IFT43: variants seen among roughly 807,000 people sequenced by gnomAD.
IFT43 encodes intraflagellar transport protein 43 homolog.
A neutral mutation model predicts 32.3 loss-of-function variants in IFT43; 33 were observed. That is an observed-to-expected ratio of 1.02 (90% confidence interval 0.77 to 1.37). IFT43 has a LOEUF of 1.37. Ranked by LOEUF, IFT43 falls within the 40% of genes most tolerant of loss-of-function variation. The pLI is 0.00. For missense variants in IFT43, 274 were observed against 265.9 expected (o/e 1.03, Z -0.21); for synonymous variants, 93 against 98.2 (o/e 0.95, Z 0.31).
intron 2 of IFT43, among the ~76,000 whole-genome samples, chr14:76,007,836 G>T (rs1456475802): frequency 6.6e-6 from 1 of 152,150 alleles, no homozygotes; most frequent in Non-Finnish European, 1.5e-5. Context: ...AGGAAGAAGG[G>T]AGAGCTGATG....
intron 3 of IFT43, among the ~76,000 whole-genome samples, chr14:76,037,345 G>A (rs2036619258): frequency 6.6e-6 from 1 of 152,194 alleles, no homozygotes; most frequent in East Asian, 1.9e-4. Flanking sequence ...GCAGGGCTGT[G>A]TGAGTCTCCA....
rs764790125 is a variant in IFT43, at chr14:76,083,555, C to A, written c.605C>A (p.Ala202Glu). ...CTGCAGACGGAGAAGGAGGACCCTG[C>A]GGGGCAGGCCAGGCACACCTGAGCC... is the stretch of plus-strand genomic sequence containing the variant. ...DPLQTEKEDP[A>E]GQARHT Residue 202 changes from alanine to glutamate, a missense_variant, in exon 9 of 9, where the codon GCG becomes GAG. Transcript: ENST00000314067. 1 of 1,613,900 alleles carries A rather than the reference C, an allele frequency of 6.2e-7. No individual in the cohort carries two copies. The highest frequency in any genetic ancestry group is 1.3e-5 in the African/African-American group (1 of 74,908).
intron 2 of IFT43, among the ~76,000 whole-genome samples, chr14:76,005,792 A>G (rs1308215001): frequency 1.3e-5 from 2 of 152,204 alleles, no homozygotes; most frequent in African/African-American, 4.8e-5. Context: ...TCTTTCAAGG[A>G]TAAAATCTCC....
At chr14:76,059,158 C>T in intron 4 of IFT43, 169 bp from the exon 5 acceptor site, 1 of 1,538,402 alleles carries the variant, frequency 6.5e-7, no homozygotes, top group South Asian at 1.2e-5. Context: ...TGTGCAACCA[C>T]ACACGGCACA....
Position 76,083,613 on chromosome 14 carries a change from A to C in IFT43, c.*36A>C. On this transcript the variant is annotated 3_prime_UTR_variant, in exon 9 of 9. Coordinates refer to ENST00000314067, the MANE Select transcript of IFT43 (RefSeq NM_001102564.3). ...CATGCTCTAGACATGAAGAAATGCA[A>C]TGAGCTTAAAGCTAAAGAAGCTTGT... 6.2e-7 allele frequency: 1 copy of C among 1,609,028 alleles called. No individual in the cohort carries two copies. The highest frequency in any genetic ancestry group is 1.1e-5 in the South Asian group (1 of 91,008).
At chr14:76,037,692 T>TTG (rs898590410) in intron 3 of IFT43, among the ~76,000 whole-genome samples, 21 of 2,592 alleles carry the variant, frequency 8.1e-3, no homozygotes, top group African/African-American at 0.02. Context: ...TCATTCTCTG[T>TTG]TTTTTTTTTT....
At chr14:76,023,560 A>G (rs1175756572) in intron 3 of IFT43, among the ~76,000 whole-genome samples, 5 of 152,258 alleles carry the variant, frequency 3.3e-5, no homozygotes, top group Non-Finnish European at 5.9e-5. Context: ...AGAGAGATGC[A>G]TTTAGGAAGC....
At chr14:76,001,221 G>A (rs752675866) in intron 2 of IFT43, among the ~76,000 whole-genome samples, 4 of 152,128 alleles carry the variant, frequency 2.6e-5, no homozygotes, top group Non-Finnish European at 2.9e-5. Context: ...GCAATTTGGC[G>A]GCCTTCTTTA....
At chr14:76,046,721 G>C (rs541314836) in intron 3 of IFT43, among the ~76,000 whole-genome samples, 1 of 152,316 alleles carries the variant, frequency 6.6e-6, no homozygotes, top group African/African-American at 2.4e-5. Flanking sequence ...TTATGAAGTA[G>C]AATTTGATAT....
chr14:76,062,296 TC>T (rs2037150928), intron 5 of IFT43, among the ~76,000 whole-genome samples: 3 of 151,898 alleles, frequency 2.0e-5, no homozygotes, highest in Non-Finnish European at 4.4e-5. Flanking sequence ...GGTCTCGATC[TC>T]CTGACTTCGT....
At chr14:76,006,191 A>C (rs1018844616) in intron 2 of IFT43, among the ~76,000 whole-genome samples, 1 of 152,226 alleles carries the variant, frequency 6.6e-6, no homozygotes, top group Non-Finnish European at 1.5e-5. Context: ...GCAAGTGTTC[A>C]TCCATGTGGA....
At chr14:76,013,899 G>A (rs570443095) in intron 2 of IFT43, 1 of 233,984 alleles carries the variant, frequency 4.3e-6, no homozygotes, top group Non-Finnish European at 9.3e-6. Flanking sequence ...ACAAAACAAA[G>A]ATTTATCACC....
chr14:76,036,474 C>G (rs1450846404), intron 3 of IFT43, among the ~76,000 whole-genome samples: 1 of 138,352 alleles, frequency 7.2e-6, no homozygotes, highest in African/African-American at 2.7e-5. Context: ...GGTGTGATCT[C>G]GGCTCACTGA....
At chr14:76,062,938 A>AAAAAAAAAAAAAAAAAAGAAAAAAG (rs1485146040) in intron 5 of IFT43, among the ~76,000 whole-genome samples, 23 of 120,828 alleles carry the variant, frequency 1.9e-4, no homozygotes, top group African/African-American at 4.9e-4. Flanking sequence ...AAAAAAAAAA[A>AAAAAAAAAAAAAAAAAAGAAAAAAG]AAAGAAAATA....
intron 3 of IFT43, among the ~76,000 whole-genome samples, chr14:76,029,168 G>T (rs543121189): frequency 6.6e-6 from 1 of 152,122 alleles, no homozygotes; most frequent in South Asian, 2.1e-4. Context: ...ATTCTGACAG[G>T]TATGAGATGG....
chr14:76,028,822 G>A (rs1384326978), intron 3 of IFT43, among the ~76,000 whole-genome samples: 1 of 151,774 alleles, frequency 6.6e-6, no homozygotes, highest in Non-Finnish European at 1.5e-5. Flanking sequence ...GTATTCTATG[G>A]TATATATATA....
At chr14:75,994,526 T>C (rs1241825975) in intron 2 of IFT43, among the ~76,000 whole-genome samples, 2 of 152,202 alleles carry the variant, frequency 1.3e-5, no homozygotes, top group Non-Finnish European at 2.9e-5. Context: ...AATGAGGTAA[T>C]GCATGTAAAG....
chr14:76,083,274 G>A lies in IFT43; in HGVS notation c.492G>A (p.Glu164=), dbSNP rs751859692. ...TCCTCACCAAAGTGCTCGCGCCGGA[G>A]CACGAAGTCCGGGAGGTACAGTGGT... ...LKLLTKVLAP[E]HEVREDDVGW... is the part of the protein sequence containing the mutation. The change falls in exon 8 of 9, where the codon GAG becomes GAA. Residue 164 remains glutamate, a synonymous_variant. Coordinates refer to ENST00000314067, the MANE Select transcript of IFT43 (RefSeq NM_001102564.3). 37 of 1,613,820 alleles carry A rather than the reference G, an allele frequency of 2.3e-5. No homozygotes were observed. Among genetic ancestry groups the A allele is most frequent in the Non-Finnish European group, 3.0e-5 (35 of 1,179,836 alleles).
At chr14:76,027,821 T>G (rs1006489913) in intron 3 of IFT43, among the ~76,000 whole-genome samples, 2 of 152,154 alleles carry the variant, frequency 1.3e-5, no homozygotes, top group Non-Finnish European at 1.5e-5. Context: ...ATAGTTTATA[T>G]TTGAATATTC....
Sources: allele counts gnomAD v4.1 joint callset (sites outside exome capture counted in the v4.1 genomes callset), GRCh38; gene constraint gnomAD v4.1.1; transcripts MANE v1.5; gene names NCBI Gene and HGNC (gene_info 2026-07-23, HGNC 2026-07-21).